Variants in EPHA3 observed in about 807,000 individuals in gnomAD.
EPHA3 encodes the protein EPH receptor A3.
EPHA3 carries 42 observed loss-of-function variants against 107.1 expected under a neutral mutation model. The observed-to-expected ratio is 0.39, with a 90% CI of 0.31 to 0.51. The LOEUF is 0.51. Among genes scored for constraint, EPHA3 ranks in the 20% least tolerant of loss-of-function variants. The pLI is 0.78. For synonymous variants in EPHA3, 461 were observed against 424.8 expected (o/e 1.09, Z -1.05); for missense variants, 1,183 against 1,211.2 (o/e 0.98, Z 0.35).
chr3:89,293,566 C>G lies in EPHA3; in HGVS notation c.815-47350C>G, dbSNP rs1254901164. Among the ~76,000 whole-genome samples, 4 of 152,228 alleles carry G rather than the reference C, an allele frequency of 2.6e-5. No individual in the cohort carries two copies. In the East Asian group the frequency reaches 7.7e-4, roughly 29 times the overall value. ...TAATCCCCATGTGTCAGGGGACGAACTTGGTGGGAGGTGATTGGGTCATGG... is the reference window on the plus strand; with the variant it reads ...TAATCCCCATGTGTCAGGGGACGAAGTTGGTGGGAGGTGATTGGGTCATGG... On this transcript the variant is annotated intron_variant, in intron 3 of 16. Coordinates refer to ENST00000336596, the MANE Select transcript of EPHA3 (RefSeq NM_005233.6).
At chr3:89,389,802 C>A (rs1708688934) in intron 5 of EPHA3, among the ~76,000 whole-genome samples, 1 of 152,226 alleles carries the variant, frequency 6.6e-6, no homozygotes, top group African/African-American at 2.4e-5. Context: ...CAGATCCCTT[C>A]ACAAGGAGAC....
chr3:89,298,969 A>G (rs1706423985), intron 3 of EPHA3, among the ~76,000 whole-genome samples: 1 of 152,120 alleles, frequency 6.6e-6, no homozygotes, highest in Admixed American at 6.6e-5. Context: ...ATATTTTCAT[A>G]AAGTCCTTTT....
chr3:89,271,960 A>G (rs1289489468), intron 3 of EPHA3, among the ~76,000 whole-genome samples: 2 of 151,842 alleles, frequency 1.3e-5, no homozygotes, highest in East Asian at 3.9e-4. Context: ...GAGGATGACC[A>G]CTATGATGAT....
intron 2 of EPHA3, among the ~76,000 whole-genome samples, chr3:89,175,187 G>A (rs1205839932): frequency 2.0e-5 from 3 of 150,920 alleles, no homozygotes; most frequent in Non-Finnish European, 3.0e-5. Context: ...TATTTGATGT[G>A]ATCCAAAATA....
intron 9 of EPHA3, among the ~76,000 whole-genome samples, chr3:89,411,856 T>C (rs1709159472): frequency 1.3e-5 from 2 of 151,900 alleles, no homozygotes; most frequent in Non-Finnish European, 2.9e-5. Context: ...GGTGTTCAAT[T>C]GCAACTTTCC....
At chr3:89,172,185 T>C (rs988394007) in intron 2 of EPHA3, among the ~76,000 whole-genome samples, 11 of 152,176 alleles carry the variant, frequency 7.2e-5, no homozygotes, top group Non-Finnish European at 1.6e-4. Flanking sequence ...TTTTCTTTTA[T>C]GCGTGTTGTT....
At chr3:89,259,964 A>G (rs1705376588) in intron 3 of EPHA3, among the ~76,000 whole-genome samples, 1 of 152,244 alleles carries the variant, frequency 6.6e-6, no homozygotes, top group Admixed American at 6.5e-5. Context: ...AATGTCCACC[A>G]GCTCCTTCCA....
intron 3 of EPHA3, among the ~76,000 whole-genome samples, chr3:89,277,447 T>G (rs1366551688): frequency 6.6e-6 from 1 of 152,154 alleles, no homozygotes; most frequent in Non-Finnish European, 1.5e-5. Flanking sequence ...AATTTTAAAG[T>G]CTAAATTGGC....
At chr3:89,129,534 C>T (rs1350565847) in intron 2 of EPHA3, among the ~76,000 whole-genome samples, 1 of 150,482 alleles carries the variant, frequency 6.6e-6, no homozygotes, top group Non-Finnish European at 1.5e-5. Flanking sequence ...CTTTAAATTT[C>T]CCACATATAA....
rs1452249285 is a variant in EPHA3, at chr3:89,433,474, T to C, written c.2346+2115T>C. Among the ~76,000 whole-genome samples the C allele has an allele frequency of 7.2e-5, 11 of 152,296 alleles. No individual in the cohort carries two copies. In the East Asian group the frequency reaches 2.1e-3, roughly 29 times the overall value. On this transcript the variant is annotated intron_variant, in intron 13 of 16. Coordinates refer to ENST00000336596, the MANE Select transcript of EPHA3 (RefSeq NM_005233.6). ...ACTGAATAATAATGACACAATGCTG[T>C]TGGGATATTTCTAGATGCATTGATA...
rs1708922708 is a variant in EPHA3 at position 89,399,814 on chromosome 3, G to A, written c.1594+334G>A. 3 of 1,103,302 alleles carry A rather than the reference G, an allele frequency of 2.7e-6. No homozygotes were observed. The South Asian group carries it at 1.3e-4, about 49-fold the overall frequency. The allele number at this position is 1,103,302 out of a possible 1,614,324, so 68.3% of individuals were successfully genotyped here. A position where few individuals can be genotyped will look rare whatever the true frequency, so the allele number is the denominator to read the frequency against. ...AGTGTCTGTCATTTCAGATATTCCAGGTTCATTGCGTGATTCAATGAACCA... is the reference window on the plus strand; with the variant it reads ...AGTGTCTGTCATTTCAGATATTCCAAGTTCATTGCGTGATTCAATGAACCA... On this transcript the variant is annotated intron_variant, in intron 7 of 16. Transcript: ENST00000336596.
intron 13 of EPHA3, among the ~76,000 whole-genome samples, chr3:89,446,241 G>A (rs1709873989): frequency 6.6e-6 from 1 of 152,030 alleles, no homozygotes; most frequent in Admixed American, 6.6e-5. Flanking sequence ...TAAGTCCCAG[G>A]CAAGTTAAGA....
intron 5 of EPHA3, among the ~76,000 whole-genome samples, chr3:89,345,097 T>C (rs1002768943): frequency 5.3e-5 from 8 of 151,142 alleles, no homozygotes; most frequent in African/African-American, 1.9e-4. Context: ...AAACAATCAT[T>C]CCACTAGTGG....
intron 15 of EPHA3, among the ~76,000 whole-genome samples, chr3:89,468,363 C>T (rs1710332024): frequency 6.6e-6 from 1 of 152,006 alleles, no homozygotes; most frequent in East Asian, 1.9e-4. Flanking sequence ...TTTGTTTATA[C>T]TAATTTTCTC....
intron 2 of EPHA3, among the ~76,000 whole-genome samples, chr3:89,147,745 G>T (rs556124729): frequency 5.3e-5 from 8 of 151,966 alleles, no homozygotes; most frequent in African/African-American, 1.9e-4. Context: ...TTTTGGTCTA[G>T]AAGTATAATA....
At chr3:89,351,338 G>A (rs572427630) in intron 5 of EPHA3, among the ~76,000 whole-genome samples, 4 of 151,356 alleles carry the variant, frequency 2.6e-5, no homozygotes, top group East Asian at 1.9e-4. Context: ...TTTTTAAGCC[G>A]GTCTGAAAAG....
At chr3:89,375,910 C>T (rs1708395535) in intron 5 of EPHA3, among the ~76,000 whole-genome samples, 1 of 151,868 alleles carries the variant, frequency 6.6e-6, no homozygotes, top group Non-Finnish European at 1.5e-5. Flanking sequence ...GTAAAGAAAT[C>T]CAACTCTAGC....
intron 2 of EPHA3, among the ~76,000 whole-genome samples, chr3:89,140,472 C>A (rs943986812): frequency 2.0e-5 from 3 of 151,630 alleles, no homozygotes; most frequent in African/African-American, 7.3e-5. Context: ...TCATATGTAG[C>A]TTTCAAAATA....
intron 3 of EPHA3, among the ~76,000 whole-genome samples, chr3:89,321,547 T>C (rs1352983931): frequency 6.6e-6 from 1 of 152,126 alleles, no homozygotes; most frequent in African/African-American, 2.4e-5. Context: ...ATATTCTCCT[T>C]CTCATTTGCT....
Sources: allele counts gnomAD v4.1 joint callset (sites outside exome capture counted in the v4.1 genomes callset), GRCh38; gene constraint gnomAD v4.1.1; transcripts MANE v1.5; gene names NCBI Gene and HGNC (gene_info 2026-07-23, HGNC 2026-07-21).